Variants in DLGAP2 observed in about 807,000 individuals in gnomAD.
DLGAP2 encodes the protein DLG associated protein 2.
DLGAP2 carries 26 observed loss-of-function variants against 100.3 expected under a neutral mutation model. The ratio of observed to expected loss-of-function variants is 0.26; its 90% CI spans 0.19 to 0.36. DLGAP2 has a LOEUF of 0.36. DLGAP2 is among the 10% of genes least tolerant of loss of function. DLGAP2 has a pLI of 1.00. For missense variants in DLGAP2, 1,858 were observed against 1,453.2 expected (o/e 1.28, Z -4.53); for synonymous variants, 886 against 630.1 (o/e 1.41, Z -6.08).
Position 780,773 on chromosome 8 carries a change from T to A in DLGAP2, c.18+42948T>A, listed in dbSNP as rs150280347. On this transcript the variant is annotated intron_variant, in intron 1 of 14. Transcript: ENST00000637795. ...GCCGTGTCTGGCAGATGTCCAAACC[T>A]GTTCCTGCCGCCTCACCAAAGGCTG... 4.5e-4 allele frequency among the ~76,000 whole-genome samples: 68 copies of A among 152,392 alleles called. 1 individual carries two copies. The East Asian group carries it at 0.013, about 29-fold the overall frequency.
chr8:852,083 C>G (rs1357747711), intron 1 of DLGAP2, among the ~76,000 whole-genome samples: 1 of 152,100 alleles, frequency 6.6e-6, no homozygotes, highest in Admixed American at 6.5e-5. Flanking sequence ...TGAGAATTGG[C>G]TTTGGTGTAA....
At chr8:855,513 G>T (rs1246353093) in intron 1 of DLGAP2, among the ~76,000 whole-genome samples, 3 of 152,134 alleles carry the variant, frequency 2.0e-5, no homozygotes, top group Non-Finnish European at 4.4e-5. Flanking sequence ...AAGAAGGAGG[G>T]TGTTTAACAG....
At chr8:1,416,007 T>G (rs1796872818) in intron 3 of DLGAP2, among the ~76,000 whole-genome samples, 1 of 152,290 alleles carries the variant, frequency 6.6e-6, no homozygotes, top group South Asian at 2.1e-4. Context: ...GTGACAAAAC[T>G]GACTACCCCT....
intron 3 of DLGAP2, among the ~76,000 whole-genome samples, chr8:1,449,843 CGG>C (rs1798093372): frequency 7.4e-6 from 1 of 136,042 alleles, no homozygotes; most frequent in Non-Finnish European, 1.6e-5. Context: ...GTGACTGTAG[CGG>C]AGCTGTGAGG....
At chr8:1,481,088 C>T (rs568857283) in intron 3 of DLGAP2, among the ~76,000 whole-genome samples, 4 of 152,112 alleles carry the variant, frequency 2.6e-5, no homozygotes, top group East Asian at 1.9e-4. Context: ...AGGAGAATGG[C>T]GTGAACCTGG....
chr8:1,023,696 C>T (rs967756564), intron 2 of DLGAP2, among the ~76,000 whole-genome samples: 4 of 152,106 alleles, frequency 2.6e-5, no homozygotes, highest in Non-Finnish European at 1.5e-5. Flanking sequence ...AGCACCTTTT[C>T]CCCATCGCAG....
At chr8:1,417,433 T>C (rs1260440518) in intron 3 of DLGAP2, among the ~76,000 whole-genome samples, 2 of 152,210 alleles carry the variant, frequency 1.3e-5, no homozygotes, top group Non-Finnish European at 2.9e-5. Context: ...ACCTTGTTTT[T>C]CTCTGACTTC....
chr8:1,100,507 GGTGT>G (rs112136851), intron 2 of DLGAP2, among the ~76,000 whole-genome samples: 101 of 151,172 alleles, frequency 6.7e-4, no homozygotes, highest in African/African-American at 2.3e-3. Context: ...TAGAGTTTGT[GGTGT>G]GTGTGTGTGT....
At chr8:1,314,710 G>A (rs1268422447) in intron 3 of DLGAP2, among the ~76,000 whole-genome samples, 2 of 152,154 alleles carry the variant, frequency 1.3e-5, no homozygotes, top group East Asian at 1.9e-4. Flanking sequence ...ACCCCTATCC[G>A]CCTCCTGCTC....
At chr8:1,006,860 G>A (rs369543111) in intron 2 of DLGAP2, among the ~76,000 whole-genome samples, 1 of 110,692 alleles carries the variant, frequency 9.0e-6, no homozygotes, top group Non-Finnish European at 1.9e-5. Flanking sequence ...TTATCACGTC[G>A]GGGACACCAT....
At chr8:1,195,536 A>G (rs963331389) in intron 2 of DLGAP2, among the ~76,000 whole-genome samples, 2 of 152,238 alleles carry the variant, frequency 1.3e-5, no homozygotes, top group African/African-American at 2.4e-5. Context: ...CTGCCTATCC[A>G]ATTACTTGGT....
At chr8:925,842 G>A (rs190629083) in intron 2 of DLGAP2, among the ~76,000 whole-genome samples, 6 of 152,198 alleles carry the variant, frequency 3.9e-5, no homozygotes, top group Admixed American at 3.9e-4. Flanking sequence ...GAAAAAATGT[G>A]GTGTTCCAGT....
At chr8:1,346,538 T>C (rs1801561214) in intron 3 of DLGAP2, among the ~76,000 whole-genome samples, 2 of 152,010 alleles carry the variant, frequency 1.3e-5, no homozygotes, top group Admixed American at 6.6e-5. Flanking sequence ...CATACAGAGC[T>C]GCATTGCACT....
intron 3 of DLGAP2, among the ~76,000 whole-genome samples, chr8:1,469,447 A>G (rs1798718217): frequency 6.6e-6 from 1 of 152,240 alleles, no homozygotes; most frequent in South Asian, 2.1e-4. Flanking sequence ...AAACTGCAGT[A>G]CATCCCTCTC....
At chr8:962,888 G>A (rs896189011) in intron 2 of DLGAP2, among the ~76,000 whole-genome samples, 3 of 152,192 alleles carry the variant, frequency 2.0e-5, no homozygotes, top group East Asian at 1.9e-4. Context: ...TTTCATGCCA[G>A]GCTTTGTGAC....
chr8:1,668,089 G>C (rs927790919), intron 8 of DLGAP2, among the ~76,000 whole-genome samples: 1 of 151,770 alleles, frequency 6.6e-6, no homozygotes, highest in Non-Finnish European at 1.5e-5. Flanking sequence ...CTGCAGGGAC[G>C]CACCTTGCTT....
At chr8:1,532,706 G>C (rs889750385) in intron 4 of DLGAP2, among the ~76,000 whole-genome samples, 2 of 152,162 alleles carry the variant, frequency 1.3e-5, no homozygotes, top group African/African-American at 4.8e-5. Context: ...TTACAATAGA[G>C]TTACTTTTTA....
At chr8:816,834 C>T (rs773831455) in intron 1 of DLGAP2, among the ~76,000 whole-genome samples, 2 of 152,166 alleles carry the variant, frequency 1.3e-5, no homozygotes, top group Non-Finnish European at 2.9e-5. Flanking sequence ...TTAGATTTCT[C>T]TTCTTCTCTG....
intron 2 of DLGAP2, among the ~76,000 whole-genome samples, chr8:960,237 C>CTTTTTTTTTTTTTTTTTTTT (rs71528625): frequency 0.099 from 4,413 of 44,458 alleles, 1,877 homozygotes; most frequent in East Asian, 0.26. Context: ...TGAAGTATAT[C>CTTTTTTTTTTTTTTTTTTTT]TTTTTTTTTT....
Sources: allele counts gnomAD v4.1 joint callset (sites outside exome capture counted in the v4.1 genomes callset), GRCh38; gene constraint gnomAD v4.1.1; transcripts MANE v1.5; gene names NCBI Gene and HGNC (gene_info 2026-07-23, HGNC 2026-07-21).